The following TARDBP variants were observed in gnomAD, a reference collection of about 807,000 sequenced individuals.
The protein encoded by TARDBP is TAR DNA binding protein.
A neutral mutation model predicts 38.3 loss-of-function variants in TARDBP; 4 were observed. The observed-to-expected ratio is 0.10, with a 90% CI of 0.05 to 0.24. The LOEUF is 0.24. Among genes scored for constraint, TARDBP ranks in the 10% least tolerant of loss-of-function variants. The probability of loss-of-function intolerance (pLI) is 1.00; values close to 1 mark genes in which losing one functional copy is unlikely to be tolerated. For missense variants in TARDBP, 202 were observed against 521.9 expected (o/e 0.39, Z 5.97); for synonymous variants, 184 against 183.8 (o/e 1.00, Z -0.01).
downstream of TARDBP, chr1:11,026,662 G>C (rs1193004486): frequency 8.0e-6 from 3 of 377,276 alleles, no homozygotes; most frequent in African/African-American, 6.2e-5. Flanking sequence ...GGGCAAAGAT[G>C]ACTGTCACTC....
intron 2 of TARDBP, chr1:11,015,461 GC>G (rs1643502486): frequency 6.6e-6 from 1 of 151,838 alleles, no homozygotes; most frequent in Non-Finnish European, 1.5e-5. Flanking sequence ...CTCTGGCCTG[GC>G]AGCAGAGCGA....
At chr1:11,017,555 AATATTTGTT>A (rs1199086718) in intron 3 of TARDBP, among the ~76,000 whole-genome samples, 1 of 152,094 alleles carries the variant, frequency 6.6e-6, no homozygotes, top group Non-Finnish European at 1.5e-5. Flanking sequence ...TGATACTTCC[AATATTTGTT>A]ATATTTATAC....
In TARDBP at chr1:11,025,437, AT is replaced by A. The variant is rs1226387159; in HGVS notation, c.*2785del. The A allele has an allele frequency of 6.6e-6, 1 of 152,200 alleles. No individual in the cohort carries two copies. Among genetic ancestry groups the A allele is most frequent in the Admixed American group, 6.5e-5 (1 of 15,276 alleles). 9.4% of individuals were successfully genotyped at this position (152,200 alleles called of 1,614,324 possible). ...AAATCTATTTGGTCAATCTAAATGC[AT>A]TCATTCTAAAAAATTTTTTGAACCA... On this transcript the variant is annotated 3_prime_UTR_variant, in exon 6 of 6. Coordinates refer to ENST00000240185, the MANE Select transcript of TARDBP (RefSeq NM_007375.4).
chr1:11,029,455 A>T (rs1038988988), downstream of TARDBP, among the ~76,000 whole-genome samples: 2 of 146,798 alleles, frequency 1.4e-5, no homozygotes, highest in African/African-American at 2.5e-5. Flanking sequence ...AATTCTGGTT[A>T]AAAAAAAAAG....
intron 5 of TARDBP, among the ~76,000 whole-genome samples, chr1:11,021,688 C>G (rs1459001365): frequency 6.6e-6 from 1 of 152,236 alleles, no homozygotes; most frequent in African/African-American, 2.4e-5. Flanking sequence ...CTCCTGGGCT[C>G]AGCCTCCAGG....
At chr1:11,018,997 T>A (rs899223394) in intron 4 of TARDBP, 124 bp downstream of exon 4, 4 of 1,399,334 alleles carry the variant, frequency 2.9e-6, no homozygotes, top group Non-Finnish European at 2.0e-6. Flanking sequence ...TTTTGTCTTG[T>A]TGAAGTCTTT....
chr1:11,026,679 T>TCGCC, downstream of TARDBP: 1 of 398,762 alleles, frequency 2.5e-6, no homozygotes. Context: ...ACTCTCGTGG[T>TCGCC]TTATGTCCCC....
chr1:11,013,649 A>G, intron 1 of TARDBP, 67 bp from the exon 2 acceptor site: 2 of 1,294,826 alleles, frequency 1.5e-6, no homozygotes, highest in Non-Finnish European at 2.2e-6. Context: ...TGGTTTGGGT[A>G]TTATCATTAT....
downstream of TARDBP, among the ~76,000 whole-genome samples, chr1:11,028,247 A>G (rs12031620): frequency 6.6e-6 from 1 of 152,132 alleles, no homozygotes; most frequent in African/African-American, 2.4e-5. Flanking sequence ...GAAAATTAAC[A>G]GGGCAAGCAG....
chr1:11,025,566 C>G (rs1643718519), downstream of TARDBP: 1 of 150,896 alleles, frequency 6.6e-6, no homozygotes, highest in African/African-American at 2.5e-5. Context: ...GGAAAGTTAC[C>G]TTTAAAAATT....
chr1:11,018,586 T>A, intron 3 of TARDBP, 147 bp from the exon 4 acceptor site: 1 of 1,041,660 alleles, frequency 9.6e-7, no homozygotes, highest in Middle Eastern at 2.8e-4. Flanking sequence ...AACCTCCTTG[T>A]TTTTACTGTT....
downstream of TARDBP, chr1:11,026,327 A>G (rs1183074451): frequency 6.6e-6 from 1 of 152,236 alleles, no homozygotes; most frequent in Non-Finnish European, 1.5e-5. Context: ...TAGTACTACT[A>G]TTCACGTTCC....
chr1:11,030,205 C>A, downstream of TARDBP: 1 of 1,613,174 alleles, frequency 6.2e-7, no homozygotes, highest in Non-Finnish European at 8.5e-7. Context: ...TGATTTTTCT[C>A]CTTTGGAGCT....
chr1:11,019,866 CTTT>C (rs1288372949), intron 4 of TARDBP, among the ~76,000 whole-genome samples: 1 of 131,274 alleles, frequency 7.6e-6, no homozygotes, highest in Non-Finnish European at 1.6e-5. Context: ...GCACCTGGCC[CTTT>C]TTTTTTTTTT....
At chr1:11,021,770 C>CT (rs1643643706) in intron 5 of TARDBP, among the ~76,000 whole-genome samples, 1 of 151,894 alleles carries the variant, frequency 6.6e-6, no homozygotes, top group Non-Finnish European at 1.5e-5. Flanking sequence ...GCTAATGTGG[C>CT]TTTTTTGTGG....
At chr1:11,030,340 T>G, downstream of TARDBP, 2 of 902,588 alleles carry the variant, frequency 2.2e-6, no homozygotes, top group Non-Finnish European at 3.6e-6. Context: ...ATGTTGATTC[T>G]TGAGCATCAG....
chr1:11,027,362 G>A (rs1358827523), downstream of TARDBP: 3 of 1,614,138 alleles, frequency 1.9e-6, no homozygotes, highest in Non-Finnish European at 2.5e-6. Flanking sequence ...CATTGTCAAA[G>A]CCAGCATCAT....
At chr1:11,017,633 A>C (rs1643554663) in intron 3 of TARDBP, among the ~76,000 whole-genome samples, 1 of 152,212 alleles carries the variant, frequency 6.6e-6, no homozygotes, top group Non-Finnish European at 1.5e-5. Context: ...TGTTGCATGA[A>C]GGCTTAAGGG....
At chr1:11,016,754 T>G in intron 2 of TARDBP, 90 bp from the exon 3 acceptor site, 2 of 1,367,028 alleles carry the variant, frequency 1.5e-6, no homozygotes, top group Non-Finnish European at 2.1e-6. Flanking sequence ...AGAGTCTTCT[T>G]TTTGCTTCTC....
Sources: gnomAD v4.1 joint callset for allele counts (sites outside exome capture counted in the v4.1 genomes callset) on GRCh38, gnomAD v4.1.1 for gene constraint, MANE v1.5 for transcripts, NCBI Gene and HGNC (gene_info 2026-07-23, HGNC 2026-07-21) for gene names.